WSCD2: variants seen among roughly 807,000 people sequenced by gnomAD.
WSCD2 encodes WSC domain sialate O sulfotransferase 2.
A neutral mutation model predicts 55.7 loss-of-function variants in WSCD2; 28 were observed. That is an observed-to-expected ratio of 0.50 (90% CI 0.37 to 0.69). The LOEUF (loss-of-function observed/expected upper bound fraction) is 0.69. Among genes scored for constraint, WSCD2 ranks in the 30% least tolerant of loss-of-function variants. WSCD2 has a pLI of 0.00. For synonymous variants in WSCD2, 301 were observed against 301.9 expected (o/e 1.00, Z 0.03); for missense variants, 616 against 762.1 (o/e 0.81, Z 2.26).
intron 4 of WSCD2, among the ~76,000 whole-genome samples, chr12:108,219,056 G>A (rs957343441): frequency 3.3e-5 from 5 of 152,204 alleles, no homozygotes; most frequent in Non-Finnish European, 7.4e-5. Context: ...CTGGGCTCAT[G>A]AGGGACTGGC....
At chr12:108,207,892 T>C (rs7957355) in intron 3 of WSCD2, among the ~76,000 whole-genome samples, 8 of 151,970 alleles carry the variant, frequency 5.3e-5, no homozygotes, top group Admixed American at 5.2e-4. Flanking sequence ...CTGGCCTTAA[T>C]GAGCTCACAG....
At chr12:108,240,861 G>C (rs1889687180) in intron 8 of WSCD2, among the ~76,000 whole-genome samples, 1 of 152,096 alleles carries the variant, frequency 6.6e-6, no homozygotes, top group African/African-American at 2.4e-5. Flanking sequence ...CTCCCATAAG[G>C]GCTCATTAAC....
chr12:108,250,202 G>GTGTGTGTGTGTGT lies in WSCD2; in HGVS notation c.*1859_*1860insTGTGTGTGTGTGT, dbSNP rs1566005797. On this transcript the variant is annotated 3_prime_UTR_variant, in exon 9 of 9. Coordinates refer to ENST00000547525, the MANE Select transcript of WSCD2 (RefSeq NM_014653.4). ...TGTGTGTGTGTGTGTGTGTGTGTAT[G>GTGTGTGTGTGTGT]AGAGAGAGAGAGAGAGACAACAGAG... is the stretch of plus-strand genomic sequence containing the variant. 7.7e-6 allele frequency: 1 copy of GTGTGTGTGTGTGT among 129,264 alleles called. No homozygotes were observed. Among genetic ancestry groups the GTGTGTGTGTGTGT allele is most frequent in the African/African-American group, 3.3e-5 (1 of 30,488 alleles). The allele number at this position is 129,264 out of a possible 1,614,324, so 8.0% of individuals were successfully genotyped here.
chr12:108,170,864 G>C (rs926165085), intron 1 of WSCD2, among the ~76,000 whole-genome samples: 1 of 152,202 alleles, frequency 6.6e-6, no homozygotes, highest in African/African-American at 2.4e-5. Flanking sequence ...TGAGATTTCA[G>C]TCCTGTGGGC....
At chr12:108,247,198 CTCGGT>C (rs1245669011) in intron 8 of WSCD2, among the ~76,000 whole-genome samples, 1 of 151,922 alleles carries the variant, frequency 6.6e-6, no homozygotes, top group Non-Finnish European at 1.5e-5. Context: ...CTCTCTGTGC[CTCGGT>C]TTTCTCTTCT....
intron 1 of WSCD2, among the ~76,000 whole-genome samples, chr12:108,133,606 C>T (rs563866069): frequency 6.6e-6 from 1 of 152,318 alleles, no homozygotes; most frequent in Non-Finnish European, 1.5e-5. Context: ...CTCCTCAGGA[C>T]TGAACTGTGC....
chr12:108,156,029 C>A (rs1413862504), intron 1 of WSCD2, among the ~76,000 whole-genome samples: 3 of 152,208 alleles, frequency 2.0e-5, no homozygotes, highest in Admixed American at 2.0e-4. Flanking sequence ...AAATATTGTT[C>A]AAATGTAATA....
At position 108,145,069 on chromosome 12, in the gene WSCD2, CACTT is replaced by C. The variant is rs1245331876; in HGVS notation, c.-552+15147_-552+15150del. Reference sequence around the variant, plus strand: ...GAAATCCAGGCCCAGCTCTGCTACTCACTTACTATGTCATCTCAGGAGACTTTCT... The same window carrying C: ...GAAATCCAGGCCCAGCTCTGCTACTCACTATGTCATCTCAGGAGACTTTCT... On this transcript the variant is annotated intron_variant, in intron 1 of 8. Coordinates refer to ENST00000547525, the MANE Select transcript of WSCD2 (RefSeq NM_014653.4). 3.9e-5 allele frequency among the ~76,000 whole-genome samples: 6 copies of C among 152,362 alleles called. No homozygotes were observed. The East Asian group carries it at 1.2e-3, about 29-fold the overall frequency.
In WSCD2 at chr12:108,210,342, C is replaced by G; in HGVS notation, c.682+37C>G. 1 of 1,531,130 alleles carries G rather than the reference C, an allele frequency of 6.5e-7. No homozygotes were observed. 94.8% of individuals were successfully genotyped at this position (1,531,130 alleles called of 1,614,324 possible). A position where few individuals can be genotyped will look rare whatever the true frequency, so the allele number is the denominator to read the frequency against. Reference sequence around the variant, plus strand: ...TGCCCTGCCCCTCTCTGCTGCTCCTCCCTCAGCTGCAGCCCTTGCCCACCA... The same window carrying G: ...TGCCCTGCCCCTCTCTGCTGCTCCTGCCTCAGCTGCAGCCCTTGCCCACCA... On this transcript the variant is annotated intron_variant, in intron 4 of 8. Transcript: ENST00000547525. This position sits in a 1 kb window ranked among gnomAD's most constrained non-coding sequence, Gnocchi z 4.3.
intron 1 of WSCD2, among the ~76,000 whole-genome samples, chr12:108,182,221 A>G (rs4581498): frequency 0.77 from 116,840 of 151,772 alleles, 45,622 homozygotes; most frequent in East Asian, 0.9. Context: ...CAAAAGGGAG[A>G]TTCTTGCTCC....
intron 1 of WSCD2, among the ~76,000 whole-genome samples, chr12:108,171,253 G>A (rs1364124093): frequency 6.6e-6 from 1 of 152,196 alleles, no homozygotes; most frequent in East Asian, 1.9e-4. Context: ...GCTTTAACAA[G>A]CTCATTAGAC....
At chr12:108,246,555 G>A (rs1036940647) in intron 8 of WSCD2, among the ~76,000 whole-genome samples, 38 of 152,130 alleles carry the variant, frequency 2.5e-4, no homozygotes, top group African/African-American at 8.7e-4. Flanking sequence ...CTCCTTCTGC[G>A]GGAGTTTCAG....
chr12:108,140,651 C>A (rs970813881), intron 1 of WSCD2, among the ~76,000 whole-genome samples: 4 of 152,176 alleles, frequency 2.6e-5, no homozygotes, highest in Admixed American at 2.6e-4. Flanking sequence ...GTCTTCTCCC[C>A]TGGACCGCCC....
Position 108,248,054 on chromosome 12 carries a change from A to C in WSCD2, c.1409A>C (p.Lys470Thr), listed in dbSNP as rs1240785217. 6.2e-7 allele frequency: 1 copy of C among 1,614,060 alleles called. No homozygotes were observed. The highest frequency in any genetic ancestry group is 8.5e-7 in the Non-Finnish European group (1 of 1,180,042). ...WWATHTLDWL[K>T]FGKKVLVVHF... ...GCCACTCACACACTGGACTGGCTCA[A>C]GTTTGGCAAGAAGGTGCTGGTGGTG... is the stretch of plus-strand genomic sequence containing the variant. The change falls in exon 9 of 9, where the codon AAG (lysine) becomes ACG (threonine). Residue 470 changes from lysine to threonine, a missense_variant. Physicochemically the swap from Lys to Thr is moderately conservative, Grantham distance 78. Transcript: ENST00000547525. This position sits in a 1 kb window ranked among gnomAD's most constrained non-coding sequence, Gnocchi z 4.3.
chr12:108,203,264 G>C (rs990400152), intron 2 of WSCD2, among the ~76,000 whole-genome samples: 1 of 152,210 alleles, frequency 6.6e-6, no homozygotes, highest in Non-Finnish European at 1.5e-5. Context: ...TGCTGGACTG[G>C]ATTTTTTAAA....
intron 8 of WSCD2, among the ~76,000 whole-genome samples, chr12:108,246,286 C>T (rs566868690): frequency 1.7e-3 from 253 of 152,352 alleles, no homozygotes; most frequent in African/African-American, 5.8e-3. Context: ...GGGACTAGGA[C>T]TTAATTTTTA....
Position 108,244,258 on chromosome 12 carries a change from C to T in WSCD2, c.1345+3714C>T, listed in dbSNP as rs530465451. ...CAATGATCAGGAATCCTGAGTTAAA[C>T]GAGGGCTTTGGTTTTTAATTTTTCT... On this transcript the variant is annotated intron_variant, in intron 8 of 8. Coordinates refer to ENST00000547525, the MANE Select transcript of WSCD2 (RefSeq NM_014653.4). Among the ~76,000 whole-genome samples, 7 of 152,258 alleles carry T rather than the reference C, an allele frequency of 4.6e-5. No individual in the cohort carries two copies. In the East Asian group the frequency reaches 7.7e-4, roughly 17 times the overall value.
intron 1 of WSCD2, among the ~76,000 whole-genome samples, chr12:108,164,167 G>T (rs11113766): frequency 4.3e-5 from 1 of 23,322 alleles, no homozygotes; most frequent in Non-Finnish European, 1.4e-4. Context: ...TTTTTTCAGA[G>T]AGGGGGATGT....
At chr12:108,227,727 G>GTGATAATGATGA (rs1555241208) in intron 6 of WSCD2, among the ~76,000 whole-genome samples, 1 of 150,360 alleles carries the variant, frequency 6.7e-6, no homozygotes, top group African/African-American at 2.4e-5. Context: ...GATAATGATG[G>GTGATAATGATGA]TGATGATGAT....
Sources: allele counts gnomAD v4.1 joint callset (sites outside exome capture counted in the v4.1 genomes callset), GRCh38; gene constraint gnomAD v4.1.1; non-coding constraint Gnocchi (gnomAD v3.1); transcripts MANE v1.5; gene names NCBI Gene and HGNC (gene_info 2026-07-23, HGNC 2026-07-21).